The following CCDC116 variants were observed in gnomAD, a reference collection of about 807,000 sequenced individuals.
CCDC116 encodes coiled-coil domain-containing protein 116.
In CCDC116, 24 loss-of-function variants were observed where a neutral mutation model predicts 29.4. The ratio of observed to expected loss-of-function variants is 0.82; its 90% CI spans 0.59 to 1.15. CCDC116 has a LOEUF of 1.15. CCDC116 is among the 50% of genes most tolerant of loss of function. The pLI is 0.00. For synonymous variants in CCDC116, 298 were observed against 331.4 expected (o/e 0.90, Z 1.10); for missense variants, 791 against 804.0 (o/e 0.98, Z 0.20).
At position 21,635,089 on chromosome 22, in the gene CCDC116, C is replaced by T. The variant is rs1388652454; in HGVS notation, c.1026C>T (p.Pro342=). The T allele has an allele frequency of 6.2e-7, 1 of 1,608,472 alleles. No individual in the cohort carries two copies. The highest frequency in any genetic ancestry group is 1.1e-5 in the South Asian group (1 of 91,080). The change falls in exon 4 of 5, where the codon CCC becomes CCT. Residue 342 remains proline, a synonymous_variant. Transcript: ENST00000292779. ...CTCTGTTCCCCACCAGCTTGGAGCC[C>T]ACCTCAGATCTGCCGCCTCTGGGCT... is the stretch of plus-strand genomic sequence containing the variant. ...GRPLFPTSLE[P]TSDLPPLGSE...
In CCDC116 at chr22:21,635,151, A is replaced by G; in HGVS notation, c.1088A>G (p.Tyr363Cys). 1.9e-6 allele frequency: 3 copies of G among 1,602,560 alleles called. No individual in the cohort carries two copies. The highest frequency in any genetic ancestry group is 2.5e-6 in the Non-Finnish European group (3 of 1,179,890). The stretch of plus-strand genomic sequence containing the variant: ...AAACCCACCAATGGCGGGCAGCCCT[A>G]TGCTTCCCCCCGCCCCACAGTCTCC... ...PAKPTNGGQP[Y>C]ASPRPTVSSP... Residue 363 changes from tyrosine (Y) to cysteine (C), a missense_variant, in exon 4 of 5, where the codon TAT becomes TGT. Coordinates refer to ENST00000292779, the MANE Select transcript of CCDC116 (RefSeq NM_152612.3).
At position 21,636,533 on chromosome 22, in the gene CCDC116, C is replaced by T. The variant is rs115937546; in HGVS notation, c.1305C>T (p.Leu435=). 3.2e-3 allele frequency: 5,140 copies of T among 1,614,036 alleles called. 134 individuals carry two copies. In the African/African-American group the frequency reaches 0.056, roughly 18 times the overall value. The change falls in exon 5 of 5, where the codon CTC becomes CTT. Residue 435 remains leucine (L), a synonymous_variant. Transcript: ENST00000292779. ...TCTCCAACCGCCTTTATGAGGAGCT[C>T]GCCGACTTCCTGACCCAGCAGGCAG... ...SHFSNRLYEE[L]ADFLTQQAAS... is the part of the protein sequence containing the mutation.
At chr22:21,636,348 G>A (rs1459541882) in intron 4 of CCDC116, 84 bp from the exon 5 acceptor site, 13 of 1,300,812 alleles carry the variant, frequency 1.0e-5, no homozygotes, top group Non-Finnish European at 1.1e-6. Flanking sequence ...TCTGAGGAGG[G>A]CACAGTGGCT....
intron 2 of CCDC116, among the ~76,000 whole-genome samples, 154 bp from the exon 3 acceptor site, chr22:21,633,868 T>C (rs1930650205): frequency 6.6e-6 from 1 of 152,240 alleles, no homozygotes; most frequent in African/African-American, 2.4e-5. Flanking sequence ...GGCATCAGGC[T>C]GTAGGTGGCA....
At position 21,634,410 on chromosome 22, in the gene CCDC116, C is replaced by T. The variant is rs1361496512; in HGVS notation, c.461C>T (p.Ser154Phe). ...TGHPNNYPSS[S>F]SSMSNCHSSL... ...CACCCCAACAACTACCCATCCAGCT[C>T]CAGCTCCATGTCCAACTGCCATAGC... Residue 154 changes from serine to phenylalanine, a missense_variant, in exon 3 of 5, where the codon TCC (serine) becomes TTC (phenylalanine). By Grantham distance (155) the Ser-to-Phe change is radical. Coordinates refer to ENST00000292779, the MANE Select transcript of CCDC116 (RefSeq NM_152612.3). 6.2e-7 allele frequency: 1 copy of T among 1,614,200 alleles called. No individual in the cohort carries two copies. The highest frequency in any genetic ancestry group is 1.3e-5 in the African/African-American group (1 of 75,068).
At position 21,636,689 on chromosome 22, in the gene CCDC116, C is replaced by G; in HGVS notation, c.1461C>G (p.Ile487Met). Reference sequence around the variant, plus strand: ...TAAAGAAGGTAAAAGGCTCCCGCATCCACCTGTCCTCGGAGACCCACCGGA... The same window carrying G: ...TAAAGAAGGTAAAAGGCTCCCGCATGCACCTGTCCTCGGAGACCCACCGGA... ...LGLKKVKGSR[I>M]HLSSETHRSC... The change falls in exon 5 of 5, where the codon ATC (isoleucine) becomes ATG (methionine). Residue 487 changes from isoleucine (I) to methionine (M), a missense_variant. Coordinates refer to ENST00000292779, the MANE Select transcript of CCDC116 (RefSeq NM_152612.3). The G allele has an allele frequency of 6.2e-7, 1 of 1,613,804 alleles. No homozygotes were observed. The highest frequency in any genetic ancestry group is 8.5e-7 in the Non-Finnish European group (1 of 1,180,034).
Position 21,635,209 on chromosome 22 carries a change from C to G in CCDC116, c.1146C>G (p.Asp382Glu). 1 of 1,600,058 alleles carries G rather than the reference C, an allele frequency of 6.2e-7. No individual in the cohort carries two copies. Among genetic ancestry groups the G allele is most frequent in the Non-Finnish European group, 8.5e-7 (1 of 1,179,926 alleles). Residue 382 changes from aspartate to glutamate, a missense_variant, in exon 4 of 5, where the codon GAC becomes GAG. Physicochemically the swap from Asp to Glu is conservative, Grantham distance 45. Transcript: ENST00000292779. ...AGATGCTTCAGAGAAAACGCAAGGA[C>G]AGAGGAGGCTCCCCCTCCATGTCTA... is the stretch of plus-strand genomic sequence containing the variant. ...SPKMLQRKRK[D>E]RGGSPSMSSA...
Position 21,637,236 on chromosome 22 carries a change from C to A in CCDC116, c.*166C>A. On this transcript the variant is annotated 3_prime_UTR_variant, in exon 5 of 5. Transcript: ENST00000292779. ...AGCAGGAGTCACCACAGGCTGAATG[C>A]CCACGAGGAGCTCTGCTGAGACTCT... 1 of 997,384 alleles carries A rather than the reference C, an allele frequency of 1.0e-6. No homozygotes were observed. The highest frequency in any genetic ancestry group is 1.4e-6 in the Non-Finnish European group (1 of 711,934). 61.8% of individuals were successfully genotyped at this position (997,384 alleles called of 1,614,324 possible). A position where few individuals can be genotyped will look rare whatever the true frequency, so the allele number is the denominator to read the frequency against.
Position 21,634,998 on chromosome 22 carries a change from C to A in CCDC116, c.935C>A (p.Ala312Asp), listed in dbSNP as rs1216222057. 1 of 1,611,110 alleles carries A rather than the reference C, an allele frequency of 6.2e-7. No homozygotes were observed. Among genetic ancestry groups the A allele is most frequent in the Non-Finnish European group, 8.5e-7 (1 of 1,179,996 alleles). The part of the protein sequence containing the change: ...NFLADHRLFP[A>D]LQSVVSQAVD... ...CTGGCTGACCACCGCCTCTTCCCTG[C>A]CCTGCAAAGCGTGGTCAGCCAGGCT... The change falls in exon 4 of 5, where the codon GCC becomes GAC. Residue 312 changes from alanine to aspartate, a missense_variant. Transcript: ENST00000292779.
rs2066038322 is a variant in CCDC116 at position 21,637,026 on chromosome 22, AAGGATGAAGACC to A, written c.1806_1817del (p.Gln604_Asp607del). ...TGAAGATGAAGATGAGGATGAGTTC[AAGGATGAAGACC>A]AGGATGAGGACAAGGATGAGGATGG... On this transcript the variant is annotated inframe_deletion, in exon 5 of 5. Transcript: ENST00000292779. 1.2e-6 allele frequency: 2 copies of A among 1,613,166 alleles called. No homozygotes were observed. Among genetic ancestry groups the A allele is most frequent in the East Asian group, 4.5e-5 (2 of 44,896 alleles).
At chr22:21,636,405 C>G in intron 4 of CCDC116, 27 bp from the exon 5 acceptor site, 1 of 1,595,884 alleles carries the variant, frequency 6.3e-7, no homozygotes, top group Non-Finnish European at 8.5e-7. Flanking sequence ...TGACATGTGT[C>G]CCTTTCCCTC....
At position 21,634,137 on chromosome 22, in the gene CCDC116, A is replaced by G. The variant is rs761662864; in HGVS notation, c.188A>G (p.Asn63Ser). The G allele has an allele frequency of 1.4e-5, 23 of 1,614,140 alleles. No individual in the cohort carries two copies. Among genetic ancestry groups the G allele is most frequent in the Non-Finnish European group, 1.7e-5 (20 of 1,180,052 alleles). ...GSSALQGQRR[N>S]KRHPQPFGHF... ...TCAGCACTCCAGGGCCAACGCCGAA[A>G]CAAGAGGCACCCTCAGCCCTTTGGC... Residue 63 changes from asparagine (N) to serine (S), a missense_variant, in exon 3 of 5, where the codon AAC becomes AGC. Asn to Ser is a conservative substitution (Grantham distance 46). Coordinates refer to ENST00000292779, the MANE Select transcript of CCDC116 (RefSeq NM_152612.3).
rs1930721201 is a variant in CCDC116 at position 21,634,903 on chromosome 22, G to A, written c.840G>A (p.Leu280=). The part of the protein sequence containing the change: ...REFNKEIKSL[L]SQLESLDLPG... Reference sequence around the variant, plus strand: ...TCAATAAGGAGATCAAGTCATTACTGAGCCAGCTGGAGTCCCTCGACCTGC... The same window carrying A: ...TCAATAAGGAGATCAAGTCATTACTAAGCCAGCTGGAGTCCCTCGACCTGC... Residue 280 remains leucine (L), a synonymous_variant, in exon 4 of 5, where the codon CTG becomes CTA. Coordinates refer to ENST00000292779, the MANE Select transcript of CCDC116 (RefSeq NM_152612.3). The A allele has an allele frequency of 2.5e-6, 4 of 1,613,880 alleles. No individual in the cohort carries two copies. The highest frequency in any genetic ancestry group is 1.6e-4 in the Middle Eastern group (1 of 6,084).
rs1009597578 is a variant in CCDC116, at chr22:21,637,160, C to T, written c.*90C>T. On this transcript the variant is annotated 3_prime_UTR_variant, in exon 5 of 5. Transcript: ENST00000292779. ...CACCATGAAGTCCCCACTAGCCACTCGATTCCCTGCTCTGTCAGAGTTGCT... is the reference window on the plus strand; with the variant it reads ...CACCATGAAGTCCCCACTAGCCACTTGATTCCCTGCTCTGTCAGAGTTGCT... 721 of 1,458,292 alleles carry T rather than the reference C, an allele frequency of 4.9e-4. 2 individuals are homozygous for T. The highest frequency in any genetic ancestry group is 6.1e-4 in the Non-Finnish European group (676 of 1,105,608). 90.3% of individuals were successfully genotyped at this position (1,458,292 alleles called of 1,614,324 possible). A position where few individuals can be genotyped will look rare whatever the true frequency, so the allele number is the denominator to read the frequency against.
chr22:21,633,404 C>T, intron 2 of CCDC116, 151 bp downstream of exon 2: 1 of 626,154 alleles, frequency 1.6e-6, no homozygotes. Flanking sequence ...TCTCCTATGT[C>T]CCCCACTGCT....
chr22:21,637,141 G>T lies in CCDC116; in HGVS notation c.*71G>T. 6.7e-7 allele frequency: 1 copy of T among 1,485,198 alleles called. No individual in the cohort carries two copies. The highest frequency in any genetic ancestry group is 1.4e-5 in the South Asian group (1 of 73,016). The allele number at this position is 1,485,198 out of a possible 1,614,324, so 92.0% of individuals were successfully genotyped here. A position where few individuals can be genotyped will look rare whatever the true frequency, so the allele number is the denominator to read the frequency against. ...GACGTGGGCCACGGTGACCCACCAT[G>T]AAGTCCCCACTAGCCACTCGATTCC... On this transcript the variant is annotated 3_prime_UTR_variant, in exon 5 of 5. Coordinates refer to ENST00000292779, the MANE Select transcript of CCDC116 (RefSeq NM_152612.3).
In CCDC116 at chr22:21,635,117, G is replaced by A. The variant is rs747934995; in HGVS notation, c.1054G>A (p.Glu352Lys). ...PTSDLPPLGS[E>K]PAKPTNGGQP... Reference sequence around the variant, plus strand: ...CTCAGATCTGCCGCCTCTGGGCTCTGAGCCAGCTAAACCCACCAATGGCGG... The same window carrying A: ...CTCAGATCTGCCGCCTCTGGGCTCTAAGCCAGCTAAACCCACCAATGGCGG... The change falls in exon 4 of 5, where the codon GAG becomes AAG. Residue 352 changes from glutamate (E) to lysine (K), a missense_variant. Transcript: ENST00000292779. 6.2e-6 allele frequency: 10 copies of A among 1,606,408 alleles called. No individual in the cohort carries two copies. The highest frequency in any genetic ancestry group is 5.1e-6 in the Non-Finnish European group (6 of 1,179,974).
chr22:21,636,630 A>G lies in CCDC116; in HGVS notation c.1402A>G (p.Ile468Val). 3 of 1,614,014 alleles carry G rather than the reference A, an allele frequency of 1.9e-6. No homozygotes were observed. Among genetic ancestry groups the G allele is most frequent in the Non-Finnish European group, 1.7e-6 (2 of 1,179,994 alleles). ...SKQLGFFSFP[I>V]THVLRDLSLG... is the part of the protein sequence containing the mutation. ...GCAGCTGGGCTTCTTCTCCTTCCCC[A>G]TCACCCACGTGCTCAGGGACCTTTC... The change falls in exon 5 of 5, where the codon ATC becomes GTC. Residue 468 changes from isoleucine to valine, a missense_variant. Coordinates refer to ENST00000292779, the MANE Select transcript of CCDC116 (RefSeq NM_152612.3).
intron 4 of CCDC116, 55 bp downstream of exon 4, chr22:21,635,321 G>A: frequency 1.4e-6 from 2 of 1,435,082 alleles, no homozygotes; most frequent in South Asian, 1.2e-5. Context: ...CTCCAGGGAG[G>A]AGGCACCTGA....
Sources: allele counts gnomAD v4.1 joint callset (sites outside exome capture counted in the v4.1 genomes callset), GRCh38; gene constraint gnomAD v4.1.1; transcripts MANE v1.5; gene names NCBI Gene and HGNC (gene_info 2026-07-23, HGNC 2026-07-21).